The following APEX1 variants were observed in gnomAD, a reference collection of about 807,000 sequenced individuals.
APEX1 encodes the protein apurinic/apyrimidinic endodeoxyribonuclease 1, also known as DNA repair nuclease/redox regulator APEX1.
APEX1 carries 32 observed loss-of-function variants against 33.2 expected under a neutral mutation model. The ratio of observed to expected loss-of-function variants is 0.96; its 90% CI spans 0.73 to 1.29. The LOEUF is 1.29. APEX1 is among the 50% of genes most tolerant of loss of function. The pLI is 0.00. For missense variants in APEX1, 442 were observed against 395.6 expected, an observed-to-expected ratio of 1.12 and a Z score of -0.99; for synonymous variants, 175 against 156.6, an observed-to-expected ratio of 1.12 and a Z score of -0.88.
Position 20,455,957 on chromosome 14 carries a change from CAA to C in APEX1, c.104_105del (p.Lys35ArgfsTer11), listed in dbSNP as rs764279183. 3.7e-6 allele frequency: 6 copies of C among 1,614,098 alleles called. No individual in the cohort carries two copies. In the East Asian group the frequency reaches 8.9e-5, roughly 24 times the overall value. The part of the protein sequence containing the change: ...KSKTAAKKND[K>X]EAAGEGPALY... The stretch of plus-strand genomic sequence containing the variant: ...GTAAGACGGCCGCAAAGAAAAATGA[CAA>C]AGAGGCAGCAGGAGAGGGCCCAGCC... On this transcript the variant is annotated frameshift_variant, in exon 3 of 5. Transcript: ENST00000216714. LOFTEE classifies it high-confidence loss of function.
Position 20,457,518 on chromosome 14 carries a change from T to C in APEX1, c.*10T>C. ...ATACCTAGCACTGTGACACCACCCC[T>C]AAATCACTTTGAGCCTGGGAAATAA... On this transcript the variant is annotated 3_prime_UTR_variant, in exon 5 of 5. Transcript: ENST00000216714. The C allele has an allele frequency of 6.2e-7, 1 of 1,613,210 alleles. No individual in the cohort carries two copies. Among genetic ancestry groups the C allele is most frequent in the Non-Finnish European group, 8.5e-7 (1 of 1,179,944 alleles).
chr14:20,456,831 A>G lies in APEX1; in HGVS notation c.410A>G (p.Gln137Arg), dbSNP rs781337217. 2 of 1,614,174 alleles carry G rather than the reference A, an allele frequency of 1.2e-6. No individual in the cohort carries two copies. Among genetic ancestry groups the G allele is most frequent in the Non-Finnish European group, 1.7e-6 (2 of 1,180,004 alleles). The part of the protein sequence containing the change: ...GYSGVGLLSR[Q>R]CPLKVSYGIG... ...AGTGGCGTGGGCCTGCTTTCCCGCC[A>G]GTGCCCACTCAAAGTTTCTTACGGC... The change falls in exon 4 of 5, where the codon CAG (glutamine) becomes CGG (arginine). Residue 137 changes from glutamine to arginine, a missense_variant. By Grantham distance (43) the Gln-to-Arg change is conservative. Transcript: ENST00000216714.
In APEX1 at chr14:20,455,948, G is replaced by A. The variant is rs779819360; in HGVS notation, c.93G>A (p.Lys31=). The A allele has an allele frequency of 9.3e-6, 15 of 1,614,158 alleles. No individual in the cohort carries two copies. The highest frequency in any genetic ancestry group is 1.2e-5 in the Non-Finnish European group (14 of 1,180,022). ...PEAKKSKTAA[K]KNDKEAAGEG... Reference sequence around the variant, plus strand: ...CCAAGAAGAGTAAGACGGCCGCAAAGAAAAATGACAAAGAGGCAGCAGGAG... The same window carrying A: ...CCAAGAAGAGTAAGACGGCCGCAAAAAAAAATGACAAAGAGGCAGCAGGAG... The change falls in exon 3 of 5, where the codon AAG becomes AAA. Residue 31 remains lysine, a synonymous_variant. Transcript: ENST00000216714.
chr14:20,456,511 C>G (rs1881366801), intron 3 of APEX1, among the ~76,000 whole-genome samples, 157 bp from the exon 4 acceptor site: 1 of 152,224 alleles, frequency 6.6e-6, no homozygotes, highest in South Asian at 2.1e-4. Context: ...TTTCATTTAT[C>G]TAGCTTAGAA....
At chr14:20,456,481 T>C (rs1340998543) in intron 3 of APEX1, among the ~76,000 whole-genome samples, 187 bp from the exon 4 acceptor site, 2 of 152,216 alleles carry the variant, frequency 1.3e-5, no homozygotes, top group Non-Finnish European at 2.9e-5. Context: ...TGTAAGACTT[T>C]CTTACCTCTC....
Position 20,457,092 on chromosome 14 carries a change from C to T in APEX1, c.541C>T (p.Arg181Ter), listed in dbSNP as rs763955809. The change falls in exon 5 of 5, where the codon CGA becomes TGA. Residue 181 changes from arginine to a stop codon, truncating the protein, a stop_gained. Coordinates refer to ENST00000216714, the MANE Select transcript of APEX1 (RefSeq NM_001641.4). LOFTEE classifies it high-confidence loss of function. ...YVPNAGRGLV[R>*]LEYRQRWDEA... ...ACCTAATGCAGGCCGAGGTCTGGTA[C>T]GACTGGAGTACCGGCAGCGCTGGGA... The T allele has an allele frequency of 6.8e-6, 11 of 1,614,048 alleles. No homozygotes were observed. In the South Asian group the frequency reaches 8.8e-5, roughly 13 times the overall value.
chr14:20,457,018 G>A lies in APEX1; in HGVS notation c.467G>A (p.Arg156Gln), dbSNP rs752473392. ...IGDEEHDQEG[R>Q]VIVAEFDSFV... ...GATGAGGAGCATGATCAGGAAGGCC[G>A]GGTGATTGTGGCTGAATTTGACTCG... Residue 156 changes from arginine (R) to glutamine (Q), a missense_variant, in exon 5 of 5, where the codon CGG becomes CAG. Transcript: ENST00000216714. 4.6e-5 allele frequency: 75 copies of A among 1,613,954 alleles called. No individual in the cohort carries two copies. Among genetic ancestry groups the A allele is most frequent in the South Asian group, 7.7e-5 (7 of 91,060 alleles).
At chr14:20,455,773 G>A (rs1566512613) in intron 2 of APEX1, 70 bp downstream of exon 2, 5 of 1,613,976 alleles carry the variant, frequency 3.1e-6, no homozygotes, top group Non-Finnish European at 4.2e-6. Context: ...CTTGATGTAC[G>A]GTAAGTACGG....
Position 20,455,462 on chromosome 14 carries a change from C to T in APEX1, c.-69+68C>T, listed in dbSNP as rs1165438711. 2.4e-5 allele frequency: 22 copies of T among 935,246 alleles called. 1 individual carries two copies. In the Admixed American group the frequency reaches 4.7e-4, roughly 20 times the overall value. The allele number at this position is 935,246 out of a possible 1,614,324, so 57.9% of individuals were successfully genotyped here. Reference sequence around the variant, plus strand: ...CTGAAGGGCCTATGATGCACGGAGGCGGGGAAAGGATTTAGAGATAACGTG... The same window carrying T: ...CTGAAGGGCCTATGATGCACGGAGGTGGGGAAAGGATTTAGAGATAACGTG... On this transcript the variant is annotated intron_variant, in intron 1 of 4. Coordinates refer to ENST00000216714, the MANE Select transcript of APEX1 (RefSeq NM_001641.4).
chr14:20,457,607 G>A lies in APEX1; in HGVS notation c.*99G>A, dbSNP rs1881471537. 2 of 1,488,344 alleles carry A rather than the reference G, an allele frequency of 1.3e-6. No individual in the cohort carries two copies. The highest frequency in any genetic ancestry group is 1.4e-5 in the African/African-American group (1 of 72,436). The allele number at this position is 1,488,344 out of a possible 1,614,324, so 92.2% of individuals were successfully genotyped here. On this transcript the variant is annotated 3_prime_UTR_variant, in exon 5 of 5. Coordinates refer to ENST00000216714, the MANE Select transcript of APEX1 (RefSeq NM_001641.4). ...GAGAAATCTGCATTCTATTTCTCATGTATAAAACTAGGAATCCTCCAACCA... is the reference window on the plus strand; with the variant it reads ...GAGAAATCTGCATTCTATTTCTCATATATAAAACTAGGAATCCTCCAACCA...
rs771448375 is a variant in APEX1 at position 20,456,796 on chromosome 14, G to T, written c.375G>T (p.Lys125Asn). The change falls in exon 4 of 5, where the codon AAG (lysine) becomes AAT (asparagine). Residue 125 changes from lysine to asparagine, a missense_variant. Lys to Asn is a moderately conservative substitution (Grantham distance 94). Coordinates refer to ENST00000216714, the MANE Select transcript of APEX1 (RefSeq NM_001641.4). ...SHQYWSAPSD[K>N]EGYSGVGLLS... ...AATACTGGTCAGCTCCTTCGGACAA[G>T]GAAGGGTACAGTGGCGTGGGCCTGC... The T allele has an allele frequency of 6.2e-7, 1 of 1,614,258 alleles. No individual in the cohort carries two copies. Among genetic ancestry groups the T allele is most frequent in the Non-Finnish European group, 8.5e-7 (1 of 1,180,050 alleles).
Position 20,455,663 on chromosome 14 carries a change from A to G in APEX1, c.18A>G (p.Lys6=), listed in dbSNP as rs755473021. The G allele has an allele frequency of 1.9e-6, 3 of 1,613,970 alleles. No individual in the cohort carries two copies. In the East Asian group the frequency reaches 6.7e-5, roughly 36 times the overall value. ...TAACGGGAATGCCGAAGCGTGGGAA[A>G]AAGGGAGCGGTGGCGGAAGACGGGG... MPKRG[K]KGAVAEDGDE... The change falls in exon 2 of 5, where the codon AAA becomes AAG. Residue 6 remains lysine, a synonymous_variant. Coordinates refer to ENST00000216714, the MANE Select transcript of APEX1 (RefSeq NM_001641.4).
rs1881309668 is a variant in APEX1 at position 20,455,933 on chromosome 14, T to TA, written c.80dup (p.Thr28AspfsTer7). 3 of 1,613,590 alleles carry TA rather than the reference T, an allele frequency of 1.9e-6. No homozygotes were observed. Reference sequence around the variant, plus strand: ...TTATAGAGCCAGAGGCCAAGAAGAGTAAGACGGCCGCAAAGAAAAATGACA... The same window carrying TA: ...TTATAGAGCCAGAGGCCAAGAAGAGTAAAGACGGCCGCAAAGAAAAATGACA... On this transcript the variant is annotated frameshift_variant, in exon 3 of 5. Transcript: ENST00000216714. LOFTEE classifies it high-confidence loss of function.
chr14:20,456,267 C>A (rs977097562), intron 3 of APEX1, among the ~76,000 whole-genome samples, 166 bp downstream of exon 3: 3 of 152,094 alleles, frequency 2.0e-5, no homozygotes, highest in Non-Finnish European at 4.4e-5. Context: ...AATGTCTGTT[C>A]CTTCACTTCC....
In APEX1 at chr14:20,457,054, T is replaced by C; in HGVS notation, c.503T>C (p.Val168Ala). 1 of 1,614,220 alleles carries C rather than the reference T, an allele frequency of 6.2e-7. No individual in the cohort carries two copies. The highest frequency in any genetic ancestry group is 8.5e-7 in the Non-Finnish European group (1 of 1,180,046). The change falls in exon 5 of 5, where the codon GTA becomes GCA. Residue 168 changes from valine to alanine, a missense_variant. Coordinates refer to ENST00000216714, the MANE Select transcript of APEX1 (RefSeq NM_001641.4). ...IVAEFDSFVLVTAYVPNAGRG... is the reference protein window; with the variant it reads ...IVAEFDSFVLATAYVPNAGRG... ...GCTGAATTTGACTCGTTTGTGCTGGTAACAGCATATGTACCTAATGCAGGC... is the reference window on the plus strand; with the variant it reads ...GCTGAATTTGACTCGTTTGTGCTGGCAACAGCATATGTACCTAATGCAGGC...
At chr14:20,456,602 A>G in intron 3 of APEX1, 66 bp from the exon 4 acceptor site, 1 of 1,488,572 alleles carries the variant, frequency 6.7e-7, no homozygotes, top group Non-Finnish European at 9.4e-7. Context: ...GACTTAGCAT[A>G]TAGATTATTC....
chr14:20,455,938 C>T lies in APEX1; in HGVS notation c.83C>T (p.Thr28Met). Reference protein sequence around the residue: ...RTEPEAKKSKTAAKKNDKEAA... With the variant: ...RTEPEAKKSKMAAKKNDKEAA... Reference sequence around the variant, plus strand: ...GAGCCAGAGGCCAAGAAGAGTAAGACGGCCGCAAAGAAAAATGACAAAGAG... The same window carrying T: ...GAGCCAGAGGCCAAGAAGAGTAAGATGGCCGCAAAGAAAAATGACAAAGAG... Residue 28 changes from threonine (T) to methionine (M), a missense_variant, in exon 3 of 5, where the codon ACG becomes ATG. Transcript: ENST00000216714. 1.9e-6 allele frequency: 3 copies of T among 1,614,048 alleles called. No homozygotes were observed. Among genetic ancestry groups the T allele is most frequent in the Non-Finnish European group, 2.5e-6 (3 of 1,180,006 alleles).
At position 20,455,994 on chromosome 14, in the gene APEX1, G is replaced by A. The variant is rs1337142602; in HGVS notation, c.139G>A (p.Asp47Asn). Residue 47 changes from aspartate to asparagine, a missense_variant, in exon 3 of 5, where the codon GAC (aspartate) becomes AAC (asparagine). Physicochemically the swap from Asp to Asn is conservative, Grantham distance 23. Coordinates refer to ENST00000216714, the MANE Select transcript of APEX1 (RefSeq NM_001641.4). The stretch of plus-strand genomic sequence containing the variant: ...AGGAGAGGGCCCAGCCCTGTATGAG[G>A]ACCCCCCAGATCAGAAAACCTCACC... Reference protein sequence around the residue: ...AAGEGPALYEDPPDQKTSPSG... With the variant: ...AAGEGPALYENPPDQKTSPSG... 2 of 1,614,174 alleles carry A rather than the reference G, an allele frequency of 1.2e-6. No individual in the cohort carries two copies. Among genetic ancestry groups the A allele is most frequent in the Non-Finnish European group, 1.7e-6 (2 of 1,180,034 alleles).
In APEX1 at chr14:20,457,164, C is replaced by T. The variant is rs1351139522; in HGVS notation, c.613C>T (p.Leu205Phe). Residue 205 changes from leucine (L) to phenylalanine (F), a missense_variant, in exon 5 of 5, where the codon CTT becomes TTT. Transcript: ENST00000216714. ...FLKGLASRKPLVLCGDLNVAH... is the reference protein window; with the variant it reads ...FLKGLASRKPFVLCGDLNVAH... Reference sequence around the variant, plus strand: ...GAAGGGCCTGGCTTCCCGAAAGCCCCTTGTGCTGTGTGGAGACCTCAATGT... The same window carrying T: ...GAAGGGCCTGGCTTCCCGAAAGCCCTTTGTGCTGTGTGGAGACCTCAATGT... 1.9e-6 allele frequency: 3 copies of T among 1,614,024 alleles called. No homozygotes were observed. The highest frequency in any genetic ancestry group is 2.7e-5 in the African/African-American group (2 of 74,898).
Sources: allele counts gnomAD v4.1 joint callset (sites outside exome capture counted in the v4.1 genomes callset), GRCh38; gene constraint gnomAD v4.1.1; transcripts MANE v1.5; gene names NCBI Gene and HGNC (gene_info 2026-07-23, HGNC 2026-07-21).